TNPO1: variants seen among roughly 807,000 people sequenced by gnomAD.
TNPO1 encodes transportin-1.
Under a neutral mutation model 119.5 loss-of-function variants are expected in TNPO1, and 8 were observed. The ratio of observed to expected loss-of-function variants is 0.07; its 90% CI spans 0.04 to 0.12. The LOEUF is 0.12. Ranked by LOEUF, TNPO1 falls within the 10% of genes least tolerant of loss-of-function variation. The probability of loss-of-function intolerance (pLI) is 1.00; values close to 1 mark genes in which losing one functional copy is unlikely to be tolerated. For synonymous variants in TNPO1, 362 were observed against 363.0 expected, an observed-to-expected ratio of 1.00 and a Z score of 0.03; for missense variants, 576 against 1,089.8, an observed-to-expected ratio of 0.53 and a Z score of 6.64.
At position 72,834,278 on chromosome 5, in the gene TNPO1, G is replaced by A. The variant is rs184587893; in HGVS notation, c.16-14107G>A. Among the ~76,000 whole-genome samples, 8 of 152,236 alleles carry A rather than the reference G, an allele frequency of 5.3e-5. No homozygotes were observed. The East Asian group carries it at 1.4e-3, about 26-fold the overall frequency. On this transcript the variant is annotated intron_variant, in intron 1 of 24. Transcript: ENST00000337273. ...ATTTACTATATTATTGTTATTTTTA[G>A]TGTACTTCTACTTATTTTTTAAAAA...
At position 72,913,060 on chromosome 5, in the gene TNPO1, T is replaced by G. The variant is rs1467987258; in HGVS notation, c.*4387T>G. 1 of 152,508 alleles carries G rather than the reference T, an allele frequency of 6.6e-6. No homozygotes were observed. Among genetic ancestry groups the G allele is most frequent in the East Asian group, 1.9e-4 (1 of 5,196 alleles). 9.4% of individuals were successfully genotyped at this position (152,508 alleles called of 1,614,324 possible). Reference sequence around the variant, plus strand: ...CTTGGAACATTTAAGAAAACTGGTCTTCAGATAGTTAAGGGCTTGGGATAA... The same window carrying G: ...CTTGGAACATTTAAGAAAACTGGTCGTCAGATAGTTAAGGGCTTGGGATAA... On this transcript the variant is annotated 3_prime_UTR_variant, in exon 25 of 25. Transcript: ENST00000337273.
At chr5:72,860,266 C>G (rs369274264) in intron 4 of TNPO1, among the ~76,000 whole-genome samples, 2 of 151,918 alleles carry the variant, frequency 1.3e-5, no homozygotes, top group African/African-American at 2.4e-5. Flanking sequence ...TCAAAATAAC[C>G]CTATGAAGAG....
chr5:72,901,885 T>C (rs2112492486), intron 22 of TNPO1, among the ~76,000 whole-genome samples: 1 of 152,220 alleles, frequency 6.6e-6, no homozygotes, highest in Non-Finnish European at 1.5e-5. Flanking sequence ...GAGACCAGCC[T>C]GGTCAACATG....
chr5:72,849,678 G>T (rs181443616), intron 2 of TNPO1, among the ~76,000 whole-genome samples: 1 of 152,166 alleles, frequency 6.6e-6, no homozygotes, highest in African/African-American at 2.4e-5. Flanking sequence ...TAATGATTTA[G>T]ATCTGCTTGG....
chr5:72,880,963 T>C (rs1399880423), intron 9 of TNPO1, among the ~76,000 whole-genome samples: 1 of 152,190 alleles, frequency 6.6e-6, no homozygotes, highest in Non-Finnish European at 1.5e-5. Flanking sequence ...TGGTCACGGT[T>C]AATTTCCATG....
At chr5:72,861,775 T>G (rs558815138) in intron 4 of TNPO1, 33 bp from the exon 5 acceptor site, 1 of 1,476,644 alleles carries the variant, frequency 6.8e-7, no homozygotes, top group African/African-American at 1.4e-5. Flanking sequence ...ATAATGCTGT[T>G]GGATTTCCTA....
At chr5:72,848,692 G>A (rs562971114) in intron 2 of TNPO1, among the ~76,000 whole-genome samples, 194 bp downstream of exon 2, 1,635 of 148,358 alleles carry the variant, frequency 0.011, 25 homozygotes, top group African/African-American at 0.038. Flanking sequence ...CGGCCCTGGT[G>A]CCTGGGCCGG....
At chr5:72,824,370 G>C (rs181239218) in intron 1 of TNPO1, among the ~76,000 whole-genome samples, 2 of 152,162 alleles carry the variant, frequency 1.3e-5, no homozygotes, top group East Asian at 3.9e-4. Context: ...ACTTGCTATT[G>C]CCAAGTTCTC....
chr5:72,902,086 A>C (rs993587812), intron 22 of TNPO1, among the ~76,000 whole-genome samples: 1 of 152,022 alleles, frequency 6.6e-6, no homozygotes, highest in African/African-American at 2.4e-5. Context: ...GAAAAAAAAA[A>C]AATGTAGTTG....
At chr5:72,907,772 GA>G (rs1476980064) in intron 24 of TNPO1, among the ~76,000 whole-genome samples, 3 of 152,176 alleles carry the variant, frequency 2.0e-5, no homozygotes, top group Admixed American at 1.3e-4. Context: ...GGCAGGGTGT[GA>G]TGGCCCACAT....
At chr5:72,874,587 A>G (rs549899712) in intron 7 of TNPO1, among the ~76,000 whole-genome samples, 5 of 152,338 alleles carry the variant, frequency 3.3e-5, no homozygotes, top group African/African-American at 1.2e-4. Context: ...CAATTAAAAC[A>G]GGAACTACGT....
intron 13 of TNPO1, among the ~76,000 whole-genome samples, chr5:72,889,096 C>T (rs184802604): frequency 2.6e-4 from 39 of 152,208 alleles, no homozygotes; most frequent in African/African-American, 6.3e-4. Flanking sequence ...CTTGCTCTGT[C>T]GCCCAGGCTG....
chr5:72,873,039 C>A (rs1580433528), intron 7 of TNPO1, among the ~76,000 whole-genome samples: 1 of 152,022 alleles, frequency 6.6e-6, no homozygotes, highest in South Asian at 2.1e-4. Context: ...ATATGGAAAC[C>A]AAGTCCCTCA....
chr5:72,906,275 CTTTTTTTTTTTT>C (rs869051297), intron 24 of TNPO1, among the ~76,000 whole-genome samples: 8 of 54,698 alleles, frequency 1.5e-4, no homozygotes, highest in African/African-American at 3.4e-4. Flanking sequence ...TTTTTTTTTT[CTTTTTTTTTTTT>C]TTTTTTTTTT....
chr5:72,859,164 T>C (rs1017588636), intron 4 of TNPO1, among the ~76,000 whole-genome samples: 1 of 152,192 alleles, frequency 6.6e-6, no homozygotes, highest in Non-Finnish European at 1.5e-5. Context: ...ACTCTGACTC[T>C]ACATTATCAG....
intron 23 of TNPO1, among the ~76,000 whole-genome samples, chr5:72,904,626 T>C (rs1042142769): frequency 1.3e-5 from 2 of 152,096 alleles, no homozygotes; most frequent in Non-Finnish European, 2.9e-5. Flanking sequence ...TGAAACGCCA[T>C]CTCTACTAAA....
intron 5 of TNPO1, among the ~76,000 whole-genome samples, chr5:72,864,021 G>C (rs1010331816): frequency 2.0e-5 from 3 of 152,094 alleles, no homozygotes; most frequent in Non-Finnish European, 2.9e-5. Flanking sequence ...TGGTTTTCCA[G>C]ATGTTGGTAT....
At chr5:72,835,371 T>G (rs1333910714) in intron 1 of TNPO1, among the ~76,000 whole-genome samples, 1 of 152,174 alleles carries the variant, frequency 6.6e-6, no homozygotes, top group East Asian at 1.9e-4. Flanking sequence ...ATTTACAAAA[T>G]AATAAAAATG....
intron 9 of TNPO1, among the ~76,000 whole-genome samples, chr5:72,881,670 C>T (rs1476957278): frequency 6.6e-6 from 1 of 152,210 alleles, no homozygotes; most frequent in Non-Finnish European, 1.5e-5. Context: ...TTTTGATATT[C>T]TCTTAATTCA....
Sources: allele counts gnomAD v4.1 joint callset (sites outside exome capture counted in the v4.1 genomes callset), GRCh38; gene constraint gnomAD v4.1.1; transcripts MANE v1.5; gene names NCBI Gene and HGNC (gene_info 2026-07-23, HGNC 2026-07-21).